Variants in LYST observed in about 807,000 individuals in gnomAD.
The protein encoded by LYST is lysosomal trafficking regulator.
Under a neutral mutation model 413.6 loss-of-function variants are expected in LYST, and 192 were observed. The observed-to-expected ratio is 0.46, with a 90% confidence interval of 0.41 to 0.52. The LOEUF (loss-of-function observed/expected upper bound fraction) is 0.52. LYST is among the 20% of genes least tolerant of loss of function. The pLI is 0.00. For synonymous variants in LYST, 1,525 were observed against 1,567.3 expected (o/e 0.97, Z 0.64); for missense variants, 3,815 against 4,499.9 (o/e 0.85, Z 4.35).
chr1:235,863,856 C>T (rs1257434188), intron 1 of LYST, among the ~76,000 whole-genome samples: 1 of 152,214 alleles, frequency 6.6e-6, no homozygotes, highest in Non-Finnish European at 1.5e-5. Flanking sequence ...CAAACTTACT[C>T]AGGCTTTTGA....
At chr1:235,715,112 T>C in intron 42 of LYST, 89 bp downstream of exon 42, 2 of 1,155,904 alleles carry the variant, frequency 1.7e-6, no homozygotes. Flanking sequence ...TCTTAATAGT[T>C]CTTAAAATGT....
chr1:235,665,725 C>T (rs968810204), intron 50 of LYST, among the ~76,000 whole-genome samples: 3 of 151,352 alleles, frequency 2.0e-5, no homozygotes, highest in Non-Finnish European at 2.9e-5. Context: ...AAGTATTCTT[C>T]AGAACATCTA....
chr1:235,747,303 A>C, intron 28 of LYST: 1 of 445,406 alleles, frequency 2.2e-6, no homozygotes. Flanking sequence ...GTAGATGAGG[A>C]ATAATGGAAC....
At chr1:235,703,059 C>G in intron 44 of LYST, 82 bp from the exon 45 acceptor site, 4 of 1,021,224 alleles carry the variant, frequency 3.9e-6, no homozygotes, top group Non-Finnish European at 6.2e-6. Flanking sequence ...AAAAACAACA[C>G]TTTGTTTTAT....
At chr1:235,754,229 C>CTTTTTTTTTTT (rs71576486) in intron 25 of LYST, among the ~76,000 whole-genome samples, 111 of 86,558 alleles carry the variant, frequency 1.3e-3, no homozygotes, top group Non-Finnish European at 1.9e-3. Context: ...CTTTTCTTTT[C>CTTTTTTTTTTT]TTTTTTTTTT....
intron 14 of LYST, among the ~76,000 whole-genome samples, chr1:235,786,792 C>T (rs964462031): frequency 1.3e-5 from 2 of 150,878 alleles, no homozygotes; most frequent in Non-Finnish European, 2.9e-5. Flanking sequence ...AGCAAACGAT[C>T]GCAAGGACAA....
At chr1:235,791,600 T>C (rs764992684) in intron 12 of LYST, 99 bp downstream of exon 12, 1 of 964,136 alleles carries the variant, frequency 1.0e-6, no homozygotes, top group Non-Finnish European at 1.7e-6. Flanking sequence ...GAAGAACATG[T>C]TAAGAGTGTT....
intron 46 of LYST, among the ~76,000 whole-genome samples, chr1:235,696,096 T>C (rs1661081741): frequency 1.3e-5 from 2 of 152,236 alleles, no homozygotes; most frequent in South Asian, 4.1e-4. Context: ...TACCCTATCC[T>C]ATTAACTCAC....
At chr1:235,852,670 G>A (rs1678677318) in intron 1 of LYST, among the ~76,000 whole-genome samples, 1 of 152,128 alleles carries the variant, frequency 6.6e-6, no homozygotes, top group African/African-American at 2.4e-5. Context: ...TAAGTGACAA[G>A]TTGATTGACA....
intron 3 of LYST, among the ~76,000 whole-genome samples, chr1:235,818,355 C>T (rs1350604489): frequency 6.6e-6 from 1 of 152,160 alleles, no homozygotes; most frequent in Non-Finnish European, 1.5e-5. Flanking sequence ...TCTCAGTCTT[C>T]TCTCAGGGCA....
At chr1:235,830,125 T>C in intron 3 of LYST, 101 bp downstream of exon 3, 1 of 849,930 alleles carries the variant, frequency 1.2e-6, no homozygotes, top group South Asian at 1.5e-5. Context: ...AGACTGGACT[T>C]TATCTCAAGG....
intron 49 of LYST, 107 bp downstream of exon 49, chr1:235,677,373 G>T (rs563972159): frequency 1.6e-6 from 2 of 1,283,122 alleles, no homozygotes; most frequent in South Asian, 1.2e-5. Flanking sequence ...GTGTTTCATG[G>T]TTAAAATGAT....
At chr1:235,804,274 T>C (rs1308612736) in intron 7 of LYST, among the ~76,000 whole-genome samples, 1 of 152,178 alleles carries the variant, frequency 6.6e-6, no homozygotes, top group Non-Finnish European at 1.5e-5. Flanking sequence ...CCAGATTAGA[T>C]AAGGAAAAGC....
At chr1:235,667,425 C>T (rs1373125649) in intron 50 of LYST, among the ~76,000 whole-genome samples, 1 of 152,198 alleles carries the variant, frequency 6.6e-6, no homozygotes, top group Non-Finnish European at 1.5e-5. Context: ...CACATCTTAT[C>T]ACTATAAAAA....
chr1:235,692,205 T>C (rs1660714773), intron 47 of LYST, among the ~76,000 whole-genome samples: 1 of 151,148 alleles, frequency 6.6e-6, no homozygotes, highest in Admixed American at 6.6e-5. Context: ...TGGTGGCACA[T>C]GCCTGTAGTC....
At chr1:235,861,037 T>C (rs1679803212) in intron 1 of LYST, among the ~76,000 whole-genome samples, 1 of 152,206 alleles carries the variant, frequency 6.6e-6, no homozygotes, top group African/African-American at 2.4e-5. Flanking sequence ...TAAAGTTCAT[T>C]CCTTGTTATT....
At chr1:235,755,399 AAAAG>A in intron 25 of LYST, 75 bp downstream of exon 25, 1 of 1,155,210 alleles carries the variant, frequency 8.7e-7, no homozygotes, top group Non-Finnish European at 1.3e-6. Context: ...AAAAGAAAAG[AAAAG>A]AAAAGAAAAG....
chr1:235,852,309 C>T (rs1320974145), intron 1 of LYST, among the ~76,000 whole-genome samples: 1 of 152,176 alleles, frequency 6.6e-6, no homozygotes, highest in Non-Finnish European at 1.5e-5. Context: ...CCCATTCTCC[C>T]CCAGCCCCCT....
intron 1 of LYST, among the ~76,000 whole-genome samples, chr1:235,859,232 C>T (rs1314931251): frequency 2.0e-5 from 3 of 152,172 alleles, no homozygotes; most frequent in African/African-American, 7.2e-5. Context: ...CCTGACTCTT[C>T]CATTTCCTCT....
Sources: allele counts gnomAD v4.1 joint callset (sites outside exome capture counted in the v4.1 genomes callset), GRCh38; gene constraint gnomAD v4.1.1; transcripts MANE v1.5; gene names NCBI Gene and HGNC (gene_info 2026-07-23, HGNC 2026-07-21).